The following DPP10 variants were observed in gnomAD, a reference collection of about 807,000 sequenced individuals.
DPP10 encodes inactive dipeptidyl peptidase 10.
In DPP10, 33 loss-of-function variants were observed where a neutral mutation model predicts 120.9. That is an observed-to-expected ratio of 0.27 (90% confidence interval 0.21 to 0.37). The LOEUF is 0.37. DPP10 is among the 10% of genes least tolerant of loss of function. The pLI is 1.00. For synonymous variants in DPP10, 337 were observed against 326.1 expected (o/e 1.03, Z -0.36); for missense variants, 816 against 942.8 (o/e 0.87, Z 1.76).
At chr2:114,755,951 TAA>T (rs57668109) in intron 1 of DPP10, among the ~76,000 whole-genome samples, 7 of 129,734 alleles carry the variant, frequency 5.4e-5, no homozygotes, top group Non-Finnish European at 4.9e-5. Context: ...AGGAAGAAAT[TAA>T]AAAAAAAAAA....
At chr2:115,082,269 C>A (rs1708335118) in intron 1 of DPP10, among the ~76,000 whole-genome samples, 1 of 152,022 alleles carries the variant, frequency 6.6e-6, no homozygotes, top group Admixed American at 6.6e-5. Context: ...CTTTGTGAGC[C>A]AAGGGGAGGT....
chr2:115,141,988 G>T (rs1178975695), intron 1 of DPP10, among the ~76,000 whole-genome samples: 2 of 152,074 alleles, frequency 1.3e-5, no homozygotes, highest in Non-Finnish European at 2.9e-5. Context: ...AGGCCAGGCT[G>T]GTCTCAAACT....
At chr2:115,308,144 A>T (rs1255045608) in intron 1 of DPP10, among the ~76,000 whole-genome samples, 2 of 152,128 alleles carry the variant, frequency 1.3e-5, no homozygotes, top group East Asian at 3.9e-4. Context: ...AAATAACTAT[A>T]TGAATATTGA....
At chr2:115,517,383 T>C (rs1310095437) in intron 4 of DPP10, among the ~76,000 whole-genome samples, 1 of 152,192 alleles carries the variant, frequency 6.6e-6, no homozygotes, top group African/African-American at 2.4e-5. Flanking sequence ...TAACTCAGTT[T>C]GCTTTGATAC....
At chr2:115,183,749 G>A (rs1198577368) in intron 1 of DPP10, among the ~76,000 whole-genome samples, 1 of 152,100 alleles carries the variant, frequency 6.6e-6, no homozygotes, top group Non-Finnish European at 1.5e-5. Context: ...TAGACTTTTG[G>A]TATATAACTC....
At chr2:115,826,722 T>C (rs1329808334) in intron 21 of DPP10, among the ~76,000 whole-genome samples, 1 of 152,178 alleles carries the variant, frequency 6.6e-6, no homozygotes, top group African/African-American at 2.4e-5. Flanking sequence ...GGTTATATTA[T>C]CTCCTTTGAA....
At chr2:115,194,918 T>C (rs2055153696) in intron 1 of DPP10, among the ~76,000 whole-genome samples, 1 of 152,212 alleles carries the variant, frequency 6.6e-6, no homozygotes, top group African/African-American at 2.4e-5. Flanking sequence ...CAGCATTTTA[T>C]GAAGAGCCTT....
intron 1 of DPP10, among the ~76,000 whole-genome samples, chr2:115,122,105 A>C (rs1335797898): frequency 6.6e-6 from 1 of 152,234 alleles, no homozygotes; most frequent in Non-Finnish European, 1.5e-5. Flanking sequence ...CACTTATGGC[A>C]GACTGGAGTG....
intron 19 of DPP10, among the ~76,000 whole-genome samples, chr2:115,809,400 C>G (rs1265676866): frequency 6.6e-6 from 1 of 152,094 alleles, no homozygotes; most frequent in African/African-American, 2.4e-5. Context: ...AAGCTGCTAT[C>G]CTATGTTAAT....
intron 1 of DPP10, among the ~76,000 whole-genome samples, chr2:115,102,051 A>G (rs957668193): frequency 6.6e-5 from 10 of 152,210 alleles, no homozygotes; most frequent in African/African-American, 2.4e-4. Flanking sequence ...TGCTATAACA[A>G]AATATTATAA....
chr2:114,734,378 A>T (rs1416520764), intron 1 of DPP10, among the ~76,000 whole-genome samples: 3 of 152,156 alleles, frequency 2.0e-5, no homozygotes, highest in Non-Finnish European at 4.4e-5. Context: ...CTTGACCTGA[A>T]CATTCCTTTC....
chr2:115,542,157 C>G (rs2079210271), intron 5 of DPP10, among the ~76,000 whole-genome samples: 1 of 151,850 alleles, frequency 6.6e-6, no homozygotes, highest in African/African-American at 2.4e-5. Flanking sequence ...TTATACGTAA[C>G]TACCGCTACC....
chr2:115,157,449 T>C (rs1467351148), intron 1 of DPP10, among the ~76,000 whole-genome samples: 6 of 152,298 alleles, frequency 3.9e-5, no homozygotes, highest in Admixed American at 1.3e-4. Flanking sequence ...ACAAAAACTT[T>C]AGTTAACTGA....
At chr2:115,410,600 C>T (rs1027818667) in intron 3 of DPP10, among the ~76,000 whole-genome samples, 1 of 152,278 alleles carries the variant, frequency 6.6e-6, no homozygotes, top group Admixed American at 6.5e-5. Context: ...CAAACCTGCA[C>T]ATGCACCTGG....
intron 3 of DPP10, among the ~76,000 whole-genome samples, chr2:115,455,101 TAAA>T (rs897318778): frequency 1.4e-4 from 21 of 151,192 alleles, no homozygotes; most frequent in African/African-American, 4.6e-4. Flanking sequence ...AGAATATAAA[TAAA>T]AAAGATTAAA....
At chr2:114,779,912 G>A (rs1004341227) in intron 1 of DPP10, among the ~76,000 whole-genome samples, 34 of 152,110 alleles carry the variant, frequency 2.2e-4, no homozygotes, top group African/African-American at 7.2e-4. Context: ...CAAGGCGGGC[G>A]GATCACGAGG....
chr2:115,750,181 G>A (rs1678520637), intron 10 of DPP10: 2 of 985,182 alleles, frequency 2.0e-6, no homozygotes, highest in East Asian at 1.1e-4. Context: ...GCCAACGAGT[G>A]TGACATTTCC....
At chr2:115,072,265 A>C (rs540943598) in intron 1 of DPP10, among the ~76,000 whole-genome samples, 1 of 152,306 alleles carries the variant, frequency 6.6e-6, no homozygotes, top group South Asian at 2.1e-4. Context: ...CAGACAAGTA[A>C]AATAGCTATA....
chr2:115,613,654 A>G (rs372371537), intron 5 of DPP10, among the ~76,000 whole-genome samples: 3 of 152,318 alleles, frequency 2.0e-5, no homozygotes, highest in Admixed American at 6.5e-5. Flanking sequence ...TGACAGGTTG[A>G]ACAAATACTG....
Sources: gnomAD v4.1 joint callset for allele counts (sites outside exome capture counted in the v4.1 genomes callset) on GRCh38, gnomAD v4.1.1 for gene constraint, MANE v1.5 for transcripts, NCBI Gene and HGNC (gene_info 2026-07-23, HGNC 2026-07-21) for gene names.